Variants in CDH4 observed in about 807,000 individuals in gnomAD.
CDH4 encodes the protein cadherin 4.
A neutral mutation model predicts 86.0 loss-of-function variants in CDH4; 33 were observed. The observed-to-expected ratio is 0.38, with a 90% CI of 0.29 to 0.51. The LOEUF is 0.51. Ranked by LOEUF, CDH4 falls within the 20% of genes least tolerant of loss-of-function variation. The probability of loss-of-function intolerance (pLI) is 0.86; values close to 1 mark genes in which losing one functional copy is unlikely to be tolerated. For synonymous variants in CDH4, 555 were observed against 549.4 expected (o/e 1.01, Z -0.14); for missense variants, 1,114 against 1,307.4 (o/e 0.85, Z 2.28).
intron 4 of CDH4, among the ~76,000 whole-genome samples, chr20:61,842,021 A>G (rs1982201949): frequency 6.6e-6 from 1 of 152,204 alleles, no homozygotes; most frequent in Non-Finnish European, 1.5e-5. Context: ...CTTAAGAAAG[A>G]TGTTCTCCAT....
chr20:61,708,962 A>C lies in CDH4; in HGVS notation c.170-34601A>C, dbSNP rs1202366036. Reference sequence around the variant, plus strand: ...AAAACAAAAGGCTGTTCCTTCAGCCAGACGGACGGGCAGCAGACCTGCTCA... The same window carrying C: ...AAAACAAAAGGCTGTTCCTTCAGCCCGACGGACGGGCAGCAGACCTGCTCA... On this transcript the variant is annotated intron_variant, in intron 2 of 15. Transcript: ENST00000614565. The surrounding 1 kb of genome is among the most constrained non-coding windows in gnomAD (Gnocchi z 4.5). 6.6e-6 allele frequency among the ~76,000 whole-genome samples: 1 copy of C among 152,270 alleles called. No individual in the cohort carries two copies. Among genetic ancestry groups the C allele is most frequent in the Non-Finnish European group, 1.5e-5 (1 of 68,050 alleles).
intron 2 of CDH4, among the ~76,000 whole-genome samples, chr20:61,679,962 C>T (rs1465813859): frequency 2.0e-5 from 3 of 151,934 alleles, no homozygotes; most frequent in Non-Finnish European, 2.9e-5. Context: ...CCTGAGAGTC[C>T]CCAAGAGGAG....
intron 3 of CDH4, among the ~76,000 whole-genome samples, chr20:61,747,600 A>G (rs2088432107): frequency 6.6e-6 from 1 of 152,252 alleles, no homozygotes; most frequent in Non-Finnish European, 1.5e-5. Flanking sequence ...ATCGTTGGGC[A>G]GTTTGGAATT....
At chr20:61,891,563 T>G (rs1373956850) in intron 7 of CDH4, among the ~76,000 whole-genome samples, 1 of 152,240 alleles carries the variant, frequency 6.6e-6, no homozygotes, top group Non-Finnish European at 1.5e-5. Context: ...CCCTGACACC[T>G]GCCTCCTTGA....
intron 2 of CDH4, among the ~76,000 whole-genome samples, chr20:61,656,326 C>T (rs1440474128): frequency 9.5e-5 from 8 of 84,446 alleles, no homozygotes; most frequent in East Asian, 3.2e-4. Context: ...AGTGGGCAGG[C>T]GCGTGCTGGG....
At chr20:61,452,752 T>G (rs1287110578) in intron 2 of CDH4, among the ~76,000 whole-genome samples, 1 of 152,200 alleles carries the variant, frequency 6.6e-6, no homozygotes, top group Non-Finnish European at 1.5e-5. Flanking sequence ...TGTAAAGGCC[T>G]TGCAGGCCTT....
chr20:61,273,451 TGGGGGAGGACCA>T, intron 2 of CDH4, among the ~76,000 whole-genome samples: 1 of 55,668 alleles, frequency 1.8e-5, no homozygotes, highest in Non-Finnish European at 3.4e-5. Context: ...ATGTGCAGTT[TGGGGGAGGACCA>T]TGTGCAGTTT....
chr20:61,893,185 G>A (rs1205098604), intron 7 of CDH4, among the ~76,000 whole-genome samples: 1 of 108,834 alleles, frequency 9.2e-6, no homozygotes, highest in African/African-American at 3.5e-5. Flanking sequence ...GTGGGTGGGT[G>A]GATAAATGAA....
intron 4 of CDH4, among the ~76,000 whole-genome samples, chr20:61,779,324 A>C (rs1283790718): frequency 6.6e-6 from 1 of 152,202 alleles, no homozygotes; most frequent in African/African-American, 2.4e-5. Flanking sequence ...ACAAGAAGTC[A>C]TGCAAACCCT....
In CDH4 at chr20:61,481,428, G is replaced by A. The variant is rs1026962243; in HGVS notation, c.169+226491G>A. 3.9e-5 allele frequency among the ~76,000 whole-genome samples: 6 copies of A among 152,252 alleles called. No homozygotes were observed. The East Asian group carries it at 5.8e-4, about 15-fold the overall frequency. On this transcript the variant is annotated intron_variant, in intron 2 of 15. Coordinates refer to ENST00000614565, the MANE Select transcript of CDH4 (RefSeq NM_001794.5). ...GGGCCATTGCAAATAAAATCTCAGCGTAGGGCATGATTGTGCCTTGCTGTT... is the reference window on the plus strand; with the variant it reads ...GGGCCATTGCAAATAAAATCTCAGCATAGGGCATGATTGTGCCTTGCTGTT...
At chr20:61,567,384 G>A (rs866195516) in intron 2 of CDH4, among the ~76,000 whole-genome samples, 2 of 152,240 alleles carry the variant, frequency 1.3e-5, no homozygotes, top group Admixed American at 6.5e-5. Context: ...CAGATTCAGT[G>A]TGGGGTGAGG....
chr20:61,564,598 G>A (rs56104530), intron 2 of CDH4, among the ~76,000 whole-genome samples: 4,777 of 152,266 alleles, frequency 0.031, 155 homozygotes, highest in African/African-American at 0.08. Context: ...CCCACCAGGA[G>A]CAGATGCCAG....
chr20:61,391,640 G>A (rs1009069508), intron 2 of CDH4, among the ~76,000 whole-genome samples: 3 of 152,198 alleles, frequency 2.0e-5, no homozygotes, highest in African/African-American at 7.2e-5. Flanking sequence ...TCTGTGCTTG[G>A]TTAGTAAGAC....
chr20:61,841,574 G>A (rs546617515), intron 4 of CDH4, among the ~76,000 whole-genome samples: 1 of 152,174 alleles, frequency 6.6e-6, no homozygotes, highest in African/African-American at 2.4e-5. Context: ...CCCATGGACC[G>A]CTGAGGGGCC....
chr20:61,885,422 G>T (rs1984499245), intron 7 of CDH4, among the ~76,000 whole-genome samples: 1 of 152,132 alleles, frequency 6.6e-6, no homozygotes. Context: ...TTCGTGTCTG[G>T]TGTCTCTCAC....
At chr20:61,883,180 C>T (rs1300987610) in intron 7 of CDH4, among the ~76,000 whole-genome samples, 1 of 151,874 alleles carries the variant, frequency 6.6e-6, no homozygotes, top group Non-Finnish European at 1.5e-5. Context: ...ACCTCCACAG[C>T]TCGACAGCCA....
chr20:61,593,090 G>A (rs1444478317), intron 2 of CDH4, among the ~76,000 whole-genome samples: 1 of 152,204 alleles, frequency 6.6e-6, no homozygotes, highest in Admixed American at 6.5e-5. Context: ...ATTCTACCCA[G>A]AAGCCTCCAG....
At chr20:61,503,690 C>G (rs1600716455) in intron 2 of CDH4, among the ~76,000 whole-genome samples, 1 of 152,164 alleles carries the variant, frequency 6.6e-6, no homozygotes, top group East Asian at 1.9e-4. Context: ...ATAGAATGAG[C>G]CACATTCTCT....
chr20:61,396,153 A>G (rs978218511), intron 2 of CDH4, among the ~76,000 whole-genome samples: 3 of 152,200 alleles, frequency 2.0e-5, no homozygotes, highest in Admixed American at 6.5e-5. Flanking sequence ...CAGAGACCGT[A>G]TAGCCCTGAA....
Sources: allele counts gnomAD v4.1 joint callset (sites outside exome capture counted in the v4.1 genomes callset), GRCh38; gene constraint gnomAD v4.1.1; non-coding constraint Gnocchi (gnomAD v3.1); transcripts MANE v1.5; gene names NCBI Gene and HGNC (gene_info 2026-07-23, HGNC 2026-07-21).